Variants in ARMH1 observed in about 807,000 individuals in gnomAD.
The protein encoded by ARMH1 is armadillo-like helical domain containing protein 1.
In ARMH1, 34 loss-of-function variants were observed where a neutral mutation model predicts 50.2. That is an observed-to-expected ratio of 0.68 (90% confidence interval 0.51 to 0.90). The LOEUF (loss-of-function observed/expected upper bound fraction) is 0.90. ARMH1 is among the 40% of genes least tolerant of loss of function. ARMH1 has a pLI of 0.00. For synonymous variants in ARMH1, 221 were observed against 224.2 expected, an observed-to-expected ratio of 0.99 and a Z score of 0.13; for missense variants, 538 against 553.9, an observed-to-expected ratio of 0.97 and a Z score of 0.29.
At position 44,689,775 on chromosome 1, in the gene ARMH1, C is replaced by A. The variant is rs773795586; in HGVS notation, c.78C>A (p.Val26=). Residue 26 remains valine, a synonymous_variant, in exon 2 of 12, where the codon GTC becomes GTA. Coordinates refer to ENST00000535358, the MANE Select transcript of ARMH1 (RefSeq NM_001145636.2). ...FLQEWDNAGK[V]ARSHILDKFI... ...AGGAGTGGGACAACGCTGGCAAAGT[C>A]GCAAGGAGTCACATCCTCGACAAGT... is the stretch of plus-strand genomic sequence containing the variant. The A allele has an allele frequency of 1.2e-5, 18 of 1,551,822 alleles. No homozygotes were observed. Among genetic ancestry groups the A allele is most frequent in the African/African-American group, 4.1e-5 (3 of 73,004 alleles).
chr1:44,681,041 C>T lies in ARMH1; in HGVS notation c.-23+6168C>T, dbSNP rs1397982302. The stretch of plus-strand genomic sequence containing the variant: ...ACGGAGTCTCGCTCTGTCACCCAGG[C>T]TGGAGTGTAGTGGCGTGATCTCGGC... On this transcript the variant is annotated intron_variant, in intron 1 of 11. Coordinates refer to ENST00000535358, the MANE Select transcript of ARMH1 (RefSeq NM_001145636.2). This position sits in a 1 kb window ranked among gnomAD's most constrained non-coding sequence, Gnocchi z 4.3. Among the ~76,000 whole-genome samples, 3 of 148,842 alleles carry T rather than the reference C, an allele frequency of 2.0e-5. No individual in the cohort carries two copies. The highest frequency in any genetic ancestry group is 7.6e-5 in the African/African-American group (3 of 39,504).
At chr1:44,675,474 T>C (rs1279195849) in intron 1 of ARMH1, among the ~76,000 whole-genome samples, 1 of 151,908 alleles carries the variant, frequency 6.6e-6, no homozygotes, top group Non-Finnish European at 1.5e-5. Context: ...CTGGGCAACA[T>C]AGTGAGACCT....
intron 6 of ARMH1, among the ~76,000 whole-genome samples, chr1:44,716,657 C>T (rs1459513848): frequency 6.6e-6 from 1 of 152,158 alleles, no homozygotes; most frequent in African/African-American, 2.4e-5. Context: ...CAGATGCGTT[C>T]CCTCTTCCCC....
chr1:44,705,394 G>A (rs776228613), intron 6 of ARMH1, among the ~76,000 whole-genome samples: 2 of 152,022 alleles, frequency 1.3e-5, no homozygotes, highest in African/African-American at 4.8e-5. Context: ...TTGAGTGGCT[G>A]AGGCATGAAA....
rs531585146 is a variant in ARMH1, at chr1:44,681,777, G to A, written c.-23+6904G>A. Among the ~76,000 whole-genome samples, 1 of 152,328 alleles carries A rather than the reference G, an allele frequency of 6.6e-6. No individual in the cohort carries two copies. Among genetic ancestry groups the A allele is most frequent in the South Asian group, 2.1e-4 (1 of 4,832 alleles). ...GGCCTTCTGAGAATAGATGGAAGAG[G>A]TGGGAAGGTAAGGAGCTTGGAATTG... On this transcript the variant is annotated intron_variant, in intron 1 of 11. Coordinates refer to ENST00000535358, the MANE Select transcript of ARMH1 (RefSeq NM_001145636.2). The surrounding 1 kb of genome is among the most constrained non-coding windows in gnomAD (Gnocchi z 4.3).
In ARMH1 at chr1:44,724,734, G is replaced by A; in HGVS notation, c.1051-28G>A. 1 of 1,515,194 alleles carries A rather than the reference G, an allele frequency of 6.6e-7. No homozygotes were observed. Among genetic ancestry groups the A allele is most frequent in the Non-Finnish European group, 8.8e-7 (1 of 1,136,356 alleles). The allele number at this position is 1,515,194 out of a possible 1,614,324, so 93.9% of individuals were successfully genotyped here. On this transcript the variant is annotated intron_variant, in intron 9 of 11. Coordinates refer to ENST00000535358, the MANE Select transcript of ARMH1 (RefSeq NM_001145636.2). The surrounding 1 kb of genome is among the most constrained non-coding windows in gnomAD (Gnocchi z 6.4). ...CACCCGCAGCCCCGTCGCCCCCGCA[G>A]TCACGCCGCCTCGCCCGCGCGGCGC...
At position 44,724,616 on chromosome 1, in the gene ARMH1, T is replaced by C. The variant is rs1647976521; in HGVS notation, c.998T>C (p.Met333Thr). ...LRVVRGLMAAMGNTDHSNSQR... is the reference protein window; with the variant it reads ...LRVVRGLMAATGNTDHSNSQR... ...GTGGTGCGTGGCCTAATGGCCGCCA[T>C]GGGCAACACGGACCACAGCAACAGC... The change falls in exon 9 of 12, where the codon ATG (methionine) becomes ACG (threonine). Residue 333 changes from methionine (M) to threonine (T), a missense_variant. By Grantham distance (81) the Met-to-Thr change is moderately conservative (BLOSUM62 -1). Transcript: ENST00000535358. This position sits in a 1 kb window ranked among gnomAD's most constrained non-coding sequence, Gnocchi z 6.4. 2.0e-6 allele frequency: 3 copies of C among 1,513,926 alleles called. No individual in the cohort carries two copies. Among genetic ancestry groups the C allele is most frequent in the East Asian group, 5.4e-5 (2 of 37,228 alleles). 93.8% of individuals were successfully genotyped at this position (1,513,926 alleles called of 1,614,324 possible).
intron 6 of ARMH1, among the ~76,000 whole-genome samples, chr1:44,719,047 A>AAAAG (rs57695968): frequency 5.3e-5 from 8 of 150,834 alleles, no homozygotes; most frequent in African/African-American, 2.0e-4. Context: ...AAAAAAAAAA[A>AAAAG]GGCATTTCTG....
chr1:44,721,716 T>C (rs189831177), intron 6 of ARMH1: 196 of 152,226 alleles, frequency 1.3e-3, no homozygotes, highest in African/African-American at 4.6e-3. Context: ...GTGACATTTG[T>C]GGAGCTACCC....
At position 44,683,303 on chromosome 1, in the gene ARMH1, G is replaced by C. The variant is rs1270626011; in HGVS notation, c.-22-6373G>C. ...CTTGAGGAGCCTGTGACACATACCA[G>C]TGAAGAGTCTGCCGGTCACTTAAGT... is the stretch of plus-strand genomic sequence containing the variant. On this transcript the variant is annotated intron_variant, in intron 1 of 11. Coordinates refer to ENST00000535358, the MANE Select transcript of ARMH1 (RefSeq NM_001145636.2). This position sits in a 1 kb window ranked among gnomAD's most constrained non-coding sequence, Gnocchi z 4.2. Among the ~76,000 whole-genome samples the C allele has an allele frequency of 2.6e-5, 4 of 152,200 alleles. No homozygotes were observed. Among genetic ancestry groups the C allele is most frequent in the African/African-American group, 4.8e-5 (2 of 41,454 alleles).
chr1:44,699,632 G>A (rs1645969016), intron 4 of ARMH1, among the ~76,000 whole-genome samples: 1 of 151,764 alleles, frequency 6.6e-6, no homozygotes. Flanking sequence ...GTTATTTTTA[G>A]TAGAGACGGG....
Position 44,725,124 on chromosome 1 carries a change from T to C in ARMH1, c.1129-12T>C, listed in dbSNP as rs1648098172. ...GGCACCCCAGCCGGGTCCCCCTTGC[T>C]CCTGTCCTCAGAGCAACGCTGAGGA... On this transcript the variant is annotated splice_polypyrimidine_tract_variant and intron_variant, in intron 10 of 11. Coordinates refer to ENST00000535358, the MANE Select transcript of ARMH1 (RefSeq NM_001145636.2). The C allele has an allele frequency of 6.4e-7, 1 of 1,551,760 alleles. No individual in the cohort carries two copies. Among genetic ancestry groups the C allele is most frequent in the Non-Finnish European group, 8.7e-7 (1 of 1,146,974 alleles).
At chr1:44,701,865 T>C (rs1573382041) in intron 5 of ARMH1, among the ~76,000 whole-genome samples, 1 of 151,558 alleles carries the variant, frequency 6.6e-6, no homozygotes, top group African/African-American at 2.4e-5. Context: ...GAGGCAGAGG[T>C]TACAGTGAGC....
intron 2 of ARMH1, among the ~76,000 whole-genome samples, chr1:44,694,921 A>C (rs1489373749): frequency 1.3e-5 from 2 of 152,188 alleles, no homozygotes; most frequent in Non-Finnish European, 2.9e-5. Flanking sequence ...ATTCCATTTT[A>C]TAGATAAGAA....
chr1:44,695,761 G>A (rs533407391), intron 2 of ARMH1, among the ~76,000 whole-genome samples: 3 of 152,078 alleles, frequency 2.0e-5, no homozygotes, highest in Non-Finnish European at 4.4e-5. Flanking sequence ...GCAACATAGC[G>A]AGACCCCTGT....
At chr1:44,685,596 C>A (rs1434674985) in intron 1 of ARMH1, among the ~76,000 whole-genome samples, 1 of 151,814 alleles carries the variant, frequency 6.6e-6, no homozygotes, top group African/African-American at 2.4e-5. Context: ...TAGGCATGAG[C>A]CACCATACCT....
At chr1:44,725,244 C>T (rs377427656) in intron 11 of ARMH1, 27 bp downstream of exon 11, 16 of 1,551,718 alleles carry the variant, frequency 1.0e-5, no homozygotes, top group Non-Finnish European at 1.4e-5. Flanking sequence ...GGAAGCCGGG[C>T]GCAGGCGCCG....
Position 44,683,493 on chromosome 1 carries a change from C to T in ARMH1, c.-22-6183C>T, listed in dbSNP as rs1057236049. Among the ~76,000 whole-genome samples the T allele has an allele frequency of 3.3e-5, 5 of 152,340 alleles. No homozygotes were observed. Among genetic ancestry groups the T allele is most frequent in the Admixed American group, 6.5e-5 (1 of 15,306 alleles). On this transcript the variant is annotated intron_variant, in intron 1 of 11. Coordinates refer to ENST00000535358, the MANE Select transcript of ARMH1 (RefSeq NM_001145636.2). The surrounding 1 kb of genome is among the most constrained non-coding windows in gnomAD (Gnocchi z 4.2). Reference sequence around the variant, plus strand: ...AACGGGAAAACGACCTGCAAAGGCACTATCCTGCAATGGCAACTGAGGATT... The same window carrying T: ...AACGGGAAAACGACCTGCAAAGGCATTATCCTGCAATGGCAACTGAGGATT...
chr1:44,724,126 C>T lies in ARMH1; in HGVS notation c.729C>T (p.Ile243=), dbSNP rs1354769531. The change falls in exon 7 of 12, where the codon ATC becomes ATT. Residue 243 remains isoleucine (I), a synonymous_variant. Transcript: ENST00000535358. The surrounding 1 kb of genome is among the most constrained non-coding windows in gnomAD (Gnocchi z 6.4). ...TMHLEVQYEA[I]ELIKDLVGYD... Reference sequence around the variant, plus strand: ...AGCACCTCTGCCCTTCCGCAGCCATCGAGTTGATCAAAGACCTGGTCGGTT... The same window carrying T: ...AGCACCTCTGCCCTTCCGCAGCCATTGAGTTGATCAAAGACCTGGTCGGTT... 2.6e-6 allele frequency: 4 copies of T among 1,551,426 alleles called. No individual in the cohort carries two copies. Among genetic ancestry groups the T allele is most frequent in the Non-Finnish European group, 3.5e-6 (4 of 1,146,888 alleles).
Sources: allele counts gnomAD v4.1 joint callset (sites outside exome capture counted in the v4.1 genomes callset), GRCh38; gene constraint gnomAD v4.1.1; non-coding constraint Gnocchi (gnomAD v3.1); transcripts MANE v1.5; gene names NCBI Gene and HGNC (gene_info 2026-07-23, HGNC 2026-07-21).